Variants in SLF2 observed in about 807,000 individuals in gnomAD.
The protein encoded by SLF2 is SMC5/6 complex localization factor 2, also known as SMC5-SMC6 complex localization factor protein 2.
A neutral mutation model predicts 124.3 loss-of-function variants in SLF2; 68 were observed. That is an observed-to-expected ratio of 0.55 (90% CI 0.45 to 0.67). The LOEUF is 0.67. Ranked by LOEUF, SLF2 falls within the 30% of genes least tolerant of loss-of-function variation. The pLI, the probability that SLF2 is intolerant of heterozygous loss-of-function variation, is 0.00. For missense variants in SLF2, 1,246 were observed against 1,373.7 expected, an observed-to-expected ratio of 0.91 and a Z score of 1.47; for synonymous variants, 480 against 478.8, an observed-to-expected ratio of 1.00 and a Z score of -0.03.
In SLF2 at chr10:100,916,689, A is replaced by G; in HGVS notation, c.304A>G (p.Lys102Glu). The G allele has an allele frequency of 6.5e-7, 1 of 1,543,598 alleles. No individual in the cohort carries two copies. The highest frequency in any genetic ancestry group is 2.2e-5 in the East Asian group (1 of 44,502). Residue 102 changes from lysine (K) to glutamate (E), a missense_variant, in exon 3 of 20, where the codon AAA becomes GAA. Around this residue, in one of 3 missense-constraint regions of SLF2, gnomAD observed 698 missense variants for 708.9 expected, o/e 0.98. Coordinates refer to ENST00000238961, the MANE Select transcript of SLF2 (RefSeq NM_018121.4). ...KLSSPKESKP[K>E]RVPPEKSPII... is the part of the protein sequence containing the mutation. Reference sequence around the variant, plus strand: ...ATCCTCACCAAAAGAATCTAAACCCAAAAGGGTGCCACCAGAAAAGAGCCC... The same window carrying G: ...ATCCTCACCAAAAGAATCTAAACCCGAAAGGGTGCCACCAGAAAAGAGCCC...
Position 100,913,022 on chromosome 10 carries a change from C to T in SLF2, c.-89C>T. On this transcript the variant is annotated 5_prime_UTR_variant, in exon 1 of 20. Transcript: ENST00000238961. ...GGGGTGCCGCCCACCTCTGCTCCGA[C>T]AGCCTCCCGGAGTCCCAGCAGCAAG... 1 of 1,456,982 alleles carries T rather than the reference C, an allele frequency of 6.9e-7. No homozygotes were observed. Among genetic ancestry groups the T allele is most frequent in the Non-Finnish European group, 9.4e-7 (1 of 1,064,264 alleles). The allele number at this position is 1,456,982 out of a possible 1,614,324, so 90.3% of individuals were successfully genotyped here.
intron 11 of SLF2, 158 bp from the exon 12 acceptor site, chr10:100,943,868 T>G: frequency 1.9e-6 from 1 of 528,438 alleles, no homozygotes; most frequent in East Asian, 3.3e-5. Flanking sequence ...GTTACATTAG[T>G]ATATATGATT....
At chr10:100,952,497 A>C (rs980733858) in intron 17 of SLF2, among the ~76,000 whole-genome samples, 1 of 151,474 alleles carries the variant, frequency 6.6e-6, no homozygotes, top group Non-Finnish European at 1.5e-5. Context: ...CAGTGAGCTG[A>C]GATCACACCA....
At chr10:100,960,006 A>G (rs192446205) in intron 19 of SLF2, among the ~76,000 whole-genome samples, 2 of 152,286 alleles carry the variant, frequency 1.3e-5, no homozygotes, top group South Asian at 2.1e-4. Context: ...TTCTGTCCCT[A>G]TACATTTCCC....
In SLF2 at chr10:100,917,096, G is replaced by A. The variant is rs770084590; in HGVS notation, c.711G>A (p.Gln237=). ...AAAGCCCACTGGGAGCTAAATTCCA[G>A]TTGTCACTAGCTTCTTACTGCAGAG... ...PEESPLGAKF[Q]LSLASYCRER... Residue 237 remains glutamine (Q), a synonymous_variant, in exon 3 of 20, where the codon CAG becomes CAA. Transcript: ENST00000238961. 13 of 1,614,200 alleles carry A rather than the reference G, an allele frequency of 8.1e-6. No individual in the cohort carries two copies. The South Asian group carries it at 1.2e-4, about 15-fold the overall frequency.
chr10:100,960,642 A>G (rs143835976), intron 19 of SLF2, among the ~76,000 whole-genome samples: 1 of 151,896 alleles, frequency 6.6e-6, no homozygotes, highest in Non-Finnish European at 1.5e-5. Context: ...GAATATAGTT[A>G]TTTGTCTTTT....
At chr10:100,930,706 A>G (rs1412979748) in intron 8 of SLF2, among the ~76,000 whole-genome samples, 2 of 152,206 alleles carry the variant, frequency 1.3e-5, no homozygotes, top group Non-Finnish European at 2.9e-5. Context: ...CCAGTCTGAG[A>G]CTTGATAGGC....
At chr10:100,936,886 G>A (rs1442585072) in intron 9 of SLF2, among the ~76,000 whole-genome samples, 1 of 150,336 alleles carries the variant, frequency 6.7e-6, no homozygotes, top group African/African-American at 2.4e-5. Flanking sequence ...AAAGCAGCAT[G>A]TTAGAATGTA....
At chr10:100,942,045 T>C (rs1849991430) in intron 11 of SLF2, among the ~76,000 whole-genome samples, 1 of 152,126 alleles carries the variant, frequency 6.6e-6, no homozygotes, top group Non-Finnish European at 1.5e-5. Flanking sequence ...GGTAAAAAAA[T>C]GTTTCCTCTA....
intron 8 of SLF2, among the ~76,000 whole-genome samples, chr10:100,930,306 C>G (rs1003809837): frequency 7.9e-5 from 12 of 152,164 alleles, no homozygotes; most frequent in Non-Finnish European, 1.6e-4. Flanking sequence ...AAGTCCAGGG[C>G]TGGAGTGCCA....
chr10:100,944,267 G>T (rs982904877), intron 12 of SLF2, 139 bp downstream of exon 12: 4 of 505,606 alleles, frequency 7.9e-6, no homozygotes, highest in Non-Finnish European at 1.4e-5. Flanking sequence ...AGGCCAGGGC[G>T]GGCAGATCAC....
intron 19 of SLF2, among the ~76,000 whole-genome samples, chr10:100,960,642 A>C (rs143835976): frequency 6.6e-6 from 1 of 152,014 alleles, no homozygotes; most frequent in East Asian, 1.9e-4. Flanking sequence ...GAATATAGTT[A>C]TTTGTCTTTT....
chr10:100,916,699 C>T lies in SLF2; in HGVS notation c.314C>T (p.Pro105Leu), dbSNP rs775467210. ...SPKESKPKRVPPEKSPIIEAF... is the reference protein window; with the variant it reads ...SPKESKPKRVLPEKSPIIEAF... The stretch of plus-strand genomic sequence containing the variant: ...AAAGAATCTAAACCCAAAAGGGTGC[C>T]ACCAGAAAAGAGCCCTATTATAGAA... Residue 105 changes from proline (P) to leucine (L), a missense_variant, in exon 3 of 20, where the codon CCA (proline) becomes CTA (leucine). By Grantham distance (98) the Pro-to-Leu change is moderately conservative (BLOSUM62 -3). Coordinates refer to ENST00000238961, the MANE Select transcript of SLF2 (RefSeq NM_018121.4). 3 of 1,549,818 alleles carry T rather than the reference C, an allele frequency of 1.9e-6. No homozygotes were observed. The highest frequency in any genetic ancestry group is 4.5e-5 in the East Asian group (2 of 44,510).
chr10:100,915,199 T>A (rs1849392079), intron 1 of SLF2, among the ~76,000 whole-genome samples: 1 of 152,234 alleles, frequency 6.6e-6, no homozygotes. Flanking sequence ...TTATTCTTGT[T>A]AACTTTCTTC....
At chr10:100,913,385 C>G in intron 1 of SLF2, 135 bp downstream of exon 1, 1 of 1,363,466 alleles carries the variant, frequency 7.3e-7, no homozygotes, top group Non-Finnish European at 9.4e-7. Flanking sequence ...CCTGGCAAAT[C>G]CCCGCCCCGC....
intron 3 of SLF2, 127 bp from the exon 4 acceptor site, chr10:100,918,257 A>T (rs1422603391): frequency 2.0e-6 from 1 of 509,850 alleles, no homozygotes; most frequent in Non-Finnish European, 3.4e-6. Context: ...AGACATTAGG[A>T]TTTACCTCCA....
At chr10:100,925,252 C>T (rs1044592561) in intron 5 of SLF2, among the ~76,000 whole-genome samples, 3 of 152,122 alleles carry the variant, frequency 2.0e-5, no homozygotes, top group African/African-American at 7.2e-5. Context: ...ATATGTACCA[C>T]TGTAATACTG....
At chr10:100,918,667 G>C (rs1399176599) in intron 4 of SLF2, among the ~76,000 whole-genome samples, 1 of 152,158 alleles carries the variant, frequency 6.6e-6, no homozygotes, top group Non-Finnish European at 1.5e-5. Flanking sequence ...TGTCACCCAG[G>C]CTGGGATGCA....
At chr10:100,944,312 G>A (rs187196799) in intron 12 of SLF2, among the ~76,000 whole-genome samples, 184 bp downstream of exon 12, 574 of 151,898 alleles carry the variant, frequency 3.8e-3, no homozygotes, top group Non-Finnish European at 6.4e-3. Flanking sequence ...TGGCTAACAC[G>A]GTGAAAACCC....
Sources: gnomAD v4.1 joint callset for allele counts (sites outside exome capture counted in the v4.1 genomes callset) on GRCh38, gnomAD v4.1.1 for gene constraint, gnomAD v4.1.1 regional missense constraint, MANE v1.5 for transcripts, NCBI Gene and HGNC (gene_info 2026-07-23, HGNC 2026-07-21) for gene names.